The following RBFOX1 variants were observed in gnomAD, a reference collection of about 807,000 sequenced individuals.
RBFOX1 encodes RNA binding protein fox-1 homolog 1.
Under a neutral mutation model 57.7 loss-of-function variants are expected in RBFOX1, and 8 were observed. The observed-to-expected ratio is 0.14, with a 90% CI of 0.08 to 0.25. The LOEUF (loss-of-function observed/expected upper bound fraction) is 0.25, where lower values mean the gene tolerates loss of function less well. RBFOX1 is among the 10% of genes least tolerant of loss of function. The pLI is 1.00. For synonymous variants in RBFOX1, 326 were observed against 222.4 expected (o/e 1.47, Z -4.15); for missense variants, 611 against 548.5 (o/e 1.11, Z -1.14).
At chr16:6,426,544 T>C (rs1423022621) in intron 2 of RBFOX1, among the ~76,000 whole-genome samples, 2 of 151,784 alleles carry the variant, frequency 1.3e-5, no homozygotes, top group Non-Finnish European at 2.9e-5. Flanking sequence ...GGTGGGAGGA[T>C]CTCTTGAGCC....
At chr16:5,998,664 G>A (rs908801374) in intron 4 of RBFOX1, among the ~76,000 whole-genome samples, 1 of 152,164 alleles carries the variant, frequency 6.6e-6, no homozygotes, top group African/African-American at 2.4e-5. Flanking sequence ...GTGCACTGGT[G>A]TGTTGTCGTC....
chr16:7,582,036 C>A (rs1013024931), intron 6 of RBFOX1, among the ~76,000 whole-genome samples: 48 of 151,360 alleles, frequency 3.2e-4, no homozygotes, highest in African/African-American at 1.1e-3. Flanking sequence ...ACCCCCCCCC[C>A]CCCTTTTTTT....
chr16:6,919,559 T>G (rs1189700554), intron 3 of RBFOX1, among the ~76,000 whole-genome samples: 1 of 152,046 alleles, frequency 6.6e-6, no homozygotes, highest in East Asian at 1.9e-4. Context: ...CTTAGACATT[T>G]CTCCACTTCC....
intron 1 of RBFOX1, among the ~76,000 whole-genome samples, chr16:6,205,144 T>G (rs1224298222): frequency 6.6e-6 from 1 of 152,156 alleles, no homozygotes; most frequent in East Asian, 1.9e-4. Context: ...TAAATTGCAT[T>G]AGTGTGCTAG....
chr16:7,028,741 T>C (rs1216105259), intron 3 of RBFOX1, among the ~76,000 whole-genome samples: 1 of 150,218 alleles, frequency 6.7e-6, no homozygotes, highest in Non-Finnish European at 1.5e-5. Context: ...GCACAGGAAA[T>C]GTAATAGGGA....
chr16:6,371,448 A>AT (rs896754167), intron 2 of RBFOX1, among the ~76,000 whole-genome samples: 8 of 152,040 alleles, frequency 5.3e-5, no homozygotes, highest in African/African-American at 1.9e-4. Flanking sequence ...TACTTTCGTT[A>AT]TTTGTTTTGA....
At chr16:6,089,739 G>T (rs536882773) in intron 1 of RBFOX1, among the ~76,000 whole-genome samples, 1 of 152,238 alleles carries the variant, frequency 6.6e-6, no homozygotes, top group Admixed American at 6.5e-5. Flanking sequence ...TGGAAAGGTA[G>T]GTGAAAGATT....
intron 3 of RBFOX1, among the ~76,000 whole-genome samples, chr16:5,770,966 C>G (rs990160452): frequency 6.6e-6 from 1 of 152,212 alleles, no homozygotes; most frequent in Non-Finnish European, 1.5e-5. Flanking sequence ...TTTCCTGTCT[C>G]TGGCCACGAC....
intron 3 of RBFOX1, among the ~76,000 whole-genome samples, chr16:6,821,826 T>C (rs117837883): frequency 0.01 from 1,573 of 152,338 alleles, 10 homozygotes; most frequent in Non-Finnish European, 0.016. Context: ...GATGCTGTTA[T>C]GAACATGAAG....
chr16:6,480,041 C>T lies in RBFOX1; in HGVS notation c.-64+162984C>T, dbSNP rs8048968. On this transcript the variant is annotated intron_variant, in intron 2 of 15. Coordinates refer to ENST00000550418, the MANE Select transcript of RBFOX1 (RefSeq NM_018723.4). ...CTCCAGGCTGGGAGACAGAGCAAGACTCCACCTCGAAAAAAAAAAAAAAAA... is the reference window on the plus strand; with the variant it reads ...CTCCAGGCTGGGAGACAGAGCAAGATTCCACCTCGAAAAAAAAAAAAAAAA... Among the ~76,000 whole-genome samples, 953 of 132,584 alleles carry T rather than the reference C, an allele frequency of 7.2e-3. 3 individuals are homozygous for T. Among genetic ancestry groups the T allele is most frequent in the Non-Finnish European group, 0.011 (711 of 64,734 alleles). The allele number at this position is 132,584 out of a possible 152,430, so 87.0% of individuals were successfully genotyped here.
At chr16:6,810,810 C>A (rs1296148403) in intron 3 of RBFOX1, among the ~76,000 whole-genome samples, 1 of 152,108 alleles carries the variant, frequency 6.6e-6, no homozygotes, top group African/African-American at 2.4e-5. Context: ...AAGTCACTCA[C>A]TATCAGGAGA....
At chr16:6,036,819 C>G (rs1164413924) in intron 1 of RBFOX1, among the ~76,000 whole-genome samples, 2 of 152,146 alleles carry the variant, frequency 1.3e-5, no homozygotes, top group East Asian at 1.9e-4. Flanking sequence ...GCAGAAGGCT[C>G]ATAGCTTTTT....
intron 2 of RBFOX1, among the ~76,000 whole-genome samples, chr16:6,624,535 T>A (rs2098277313): frequency 6.6e-6 from 1 of 151,820 alleles, no homozygotes; most frequent in Non-Finnish European, 1.5e-5. Flanking sequence ...TTGGTTAGAG[T>A]GATATTTTGT....
At chr16:5,708,394 C>G (rs1429705131) in intron 3 of RBFOX1, among the ~76,000 whole-genome samples, 1 of 152,182 alleles carries the variant, frequency 6.6e-6, no homozygotes, top group African/African-American at 2.4e-5. Context: ...ATAGTTCAAT[C>G]AAAAACATGG....
intron 3 of RBFOX1, among the ~76,000 whole-genome samples, chr16:6,995,178 T>G (rs771250534): frequency 6.6e-6 from 1 of 152,118 alleles, no homozygotes; most frequent in East Asian, 1.9e-4. Flanking sequence ...TCTCTTACAG[T>G]GTGGCTTTAC....
chr16:6,472,776 C>G (rs1034002686), intron 2 of RBFOX1, among the ~76,000 whole-genome samples: 27 of 152,014 alleles, frequency 1.8e-4, no homozygotes, highest in Non-Finnish European at 7.4e-5. Flanking sequence ...GCGTGCGCCA[C>G]CATGCCCAGC....
intron 5 of RBFOX1, among the ~76,000 whole-genome samples, chr16:7,572,876 C>T (rs2092937340): frequency 1.2e-5 from 1 of 86,748 alleles, no homozygotes; most frequent in African/African-American, 3.6e-5. Flanking sequence ...ATGAACCAGC[C>T]CCAAATGTCA....
chr16:6,196,386 A>T (rs1360049028), intron 1 of RBFOX1, among the ~76,000 whole-genome samples: 1 of 152,236 alleles, frequency 6.6e-6, no homozygotes, highest in Non-Finnish European at 1.5e-5. Context: ...TTGACAGGAT[A>T]ACATTATCTT....
rs539290153 is a variant in RBFOX1, at chr16:5,411,178, T to C, written c.220-56038T>C. Among the ~76,000 whole-genome samples, 3 of 152,308 alleles carry C rather than the reference T, an allele frequency of 2.0e-5. No individual in the cohort carries two copies. In the East Asian group the frequency reaches 5.8e-4, roughly 29 times the overall value. ...GGAAGAAAAAAGGACCTCAAAGATA[T>C]CAACACCTTAATCCCCAGAAAGTGC... On this transcript the variant is annotated intron_variant, in intron 1 of 2. Transcript: ENST00000585867.
Sources: gnomAD v4.1 joint callset for allele counts (sites outside exome capture counted in the v4.1 genomes callset) on GRCh38, gnomAD v4.1.1 for gene constraint, MANE v1.5 for transcripts, NCBI Gene and HGNC (gene_info 2026-07-23, HGNC 2026-07-21) for gene names.